Variants in ERAP1 observed in about 807,000 individuals in gnomAD.
ERAP1 encodes the protein adipocyte-derived leucine aminopeptidase.
In ERAP1, 86 loss-of-function variants were observed where a neutral mutation model predicts 103.7. The observed-to-expected ratio is 0.83, with a 90% CI of 0.70 to 0.99. ERAP1 has a LOEUF of 0.99. Among genes scored for constraint, ERAP1 ranks in the 50% least tolerant of loss-of-function variants. ERAP1 has a pLI of 0.00. For synonymous variants in ERAP1, 398 were observed against 402.4 expected (o/e 0.99, Z 0.13); for missense variants, 1,009 against 1,128.4 (o/e 0.89, Z 1.52).
At chr5:96,908,599 T>C in the ERAP1 span, among the ~76,000 whole-genome samples, 1 of 152,222 alleles carries the variant, frequency 6.6e-6, no homozygotes, top group Non-Finnish European at 1.5e-5. Context: ...AAAAGTTTGA[T>C]ATTATTTGGT....
chr5:96,910,035 G>A, the ERAP1 span: 1 of 287,690 alleles, frequency 3.5e-6, no homozygotes, highest in Non-Finnish European at 6.8e-6. Context: ...GGAGGCCAAG[G>A]AGGGTGAATC....
the ERAP1 span, among the ~76,000 whole-genome samples, chr5:96,842,794 CTATT>C: frequency 6.6e-6 from 1 of 152,192 alleles, no homozygotes; most frequent in Admixed American, 6.5e-5. Context: ...TAGGTCCCAT[CTATT>C]TATTTTTGTT....
intron 12 of ERAP1, among the ~76,000 whole-genome samples, 169 bp downstream of exon 12, chr5:96,786,301 A>G (rs1010421894): frequency 6.6e-6 from 1 of 152,244 alleles, no homozygotes; most frequent in Non-Finnish European, 1.5e-5. Flanking sequence ...TAATTCAGCT[A>G]TAATCTCTAT....
rs748194817 is a variant in ERAP1, at chr5:96,774,716, ATAGTT to A, written c.*1675_*1679del. 3.4e-3 allele frequency: 3,295 copies of A among 983,038 alleles called. 6 individuals carry two copies. Among genetic ancestry groups the A allele is most frequent in the Non-Finnish European group, 3.7e-3 (3,067 of 827,604 alleles). 60.9% of individuals were successfully genotyped at this position (983,038 alleles called of 1,614,324 possible). A position where few individuals can be genotyped will look rare whatever the true frequency, so the allele number is the denominator to read the frequency against. The stretch of plus-strand genomic sequence containing the variant: ...TGTGTATTTTTTTAAAAGAAGGGAA[ATAGTT>A]TAGTTTGGGGTGGAAATTACCAGTG... On this transcript the variant is annotated 3_prime_UTR_variant, in exon 19 of 19. Transcript: ENST00000443439.
chr5:96,929,279 T>G, the ERAP1 span, among the ~76,000 whole-genome samples: 1 of 152,264 alleles, frequency 6.6e-6, no homozygotes, highest in Non-Finnish European at 1.5e-5. Context: ...CTCTGCCTTA[T>G]GCCCCTCAGC....
At chr5:96,783,315 ATG>A in intron 14 of ERAP1, 80 bp from the exon 15 acceptor site, 1 of 1,317,998 alleles carries the variant, frequency 7.6e-7, no homozygotes, top group East Asian at 2.3e-5. Context: ...ATGGTCTCAG[ATG>A]ATGGGGGCTA....
At chr5:96,764,012 A>G (rs1194818547) in intron 19 of ERAP1, among the ~76,000 whole-genome samples, 1 of 152,228 alleles carries the variant, frequency 6.6e-6, no homozygotes, top group Non-Finnish European at 1.5e-5. Context: ...TGGGCATCAA[A>G]TAAAACTGGA....
At chr5:96,856,227 G>C in the ERAP1 span, among the ~76,000 whole-genome samples, 1 of 143,722 alleles carries the variant, frequency 7.0e-6, no homozygotes, top group Non-Finnish European at 1.5e-5. Context: ...GCTGAGGCAG[G>C]AGAATTATTT....
At chr5:96,826,381 C>T in the ERAP1 span, among the ~76,000 whole-genome samples, 6 of 152,258 alleles carry the variant, frequency 3.9e-5, no homozygotes, top group South Asian at 1.2e-3. Flanking sequence ...CTGAAAGCTT[C>T]AAATAAATAG....
At chr5:96,863,325 G>A in the ERAP1 span, among the ~76,000 whole-genome samples, 6 of 152,020 alleles carry the variant, frequency 3.9e-5, no homozygotes, top group East Asian at 3.9e-4. Flanking sequence ...TACTCCCACC[G>A]TCCACCTCCT....
the ERAP1 span, chr5:96,873,300 C>T: frequency 2.2e-6 from 1 of 455,956 alleles, no homozygotes; most frequent in East Asian, 6.9e-5. Context: ...TTGTTGAGGG[C>T]CTATGATGTG....
chr5:96,910,147 C>T, the ERAP1 span: 1 of 166,066 alleles, frequency 6.0e-6, no homozygotes, highest in African/African-American at 2.4e-5. Context: ...CGCTTGTAAT[C>T]CCAGCTACTT....
the ERAP1 span, among the ~76,000 whole-genome samples, chr5:96,913,647 T>A: frequency 0.54 from 82,420 of 152,000 alleles, 22,422 homozygotes; most frequent in Admixed American, 0.59. Flanking sequence ...GACATGAGAA[T>A]AAGGGAATGG....
the ERAP1 span, among the ~76,000 whole-genome samples, chr5:96,912,425 C>T: frequency 6.6e-6 from 1 of 152,182 alleles, no homozygotes; most frequent in South Asian, 2.1e-4. Context: ...TTCTTGCTAA[C>T]ATTTTATCAT....
At chr5:96,912,887 C>A in the ERAP1 span, 1 of 1,057,028 alleles carries the variant, frequency 9.5e-7, no homozygotes, top group Non-Finnish European at 1.4e-6. Context: ...GTTTTAAAGG[C>A]ATAAGATAAT....
At chr5:96,865,361 C>T in the ERAP1 span, among the ~76,000 whole-genome samples, 2 of 152,144 alleles carry the variant, frequency 1.3e-5, no homozygotes, top group African/African-American at 2.4e-5. Flanking sequence ...AACCTGTTGG[C>T]CTTTGCTCCT....
intron 4 of ERAP1, among the ~76,000 whole-genome samples, chr5:96,796,620 C>T (rs1405189835): frequency 6.6e-6 from 1 of 152,262 alleles, no homozygotes; most frequent in Non-Finnish European, 1.5e-5. Context: ...AGTGAAGTGA[C>T]TGCAGTGAAG....
the ERAP1 span, chr5:96,822,834 T>G: frequency 7.0e-6 from 2 of 286,396 alleles, no homozygotes; most frequent in Non-Finnish European, 1.4e-5. Context: ...GTTTATTATC[T>G]CACAGTTTCT....
At chr5:96,803,361 G>A in intron 2 of ERAP1, 42 bp downstream of exon 2, 1 of 1,554,832 alleles carries the variant, frequency 6.4e-7, no homozygotes, top group Non-Finnish European at 8.9e-7. Context: ...ATTTAGCGTG[G>A]GCAGCACTTG....
Sources: gnomAD v4.1 joint callset for allele counts (sites outside exome capture counted in the v4.1 genomes callset) on GRCh38, gnomAD v4.1.1 for gene constraint, MANE v1.5 for transcripts, NCBI Gene and HGNC (gene_info 2026-07-23, HGNC 2026-07-21) for gene names.